Variants in ERC1 observed in about 807,000 individuals in gnomAD.
The protein encoded by ERC1 is ELKS/RAB6-interacting/CAST family member 1, also known as RAB6 interacting protein 2.
Under a neutral mutation model 132.0 loss-of-function variants are expected in ERC1, and 56 were observed. The observed-to-expected ratio is 0.42, with a 90% CI of 0.34 to 0.53. The LOEUF (loss-of-function observed/expected upper bound fraction) is 0.53. ERC1 is among the 20% of genes least tolerant of loss of function. The pLI, the probability that ERC1 is intolerant of heterozygous loss-of-function variation, is 0.03. For missense variants in ERC1, 1,202 were observed against 1,349.9 expected (o/e 0.89, Z 1.72); for synonymous variants, 478 against 476.1 (o/e 1.00, Z -0.05).
At chr12:1,044,469 C>T (rs1243010407) in intron 2 of ERC1, among the ~76,000 whole-genome samples, 1 of 152,040 alleles carries the variant, frequency 6.6e-6, no homozygotes, top group Non-Finnish European at 1.5e-5. Flanking sequence ...GGGCAAAGAG[C>T]CTTCATGTGA....
intron 2 of ERC1, among the ~76,000 whole-genome samples, chr12:1,075,770 C>A (rs1941246182): frequency 6.6e-6 from 1 of 152,076 alleles, no homozygotes. Context: ...AGAAAATACA[C>A]TTACTATTCA....
At chr12:1,154,064 C>T (rs1353009456) in intron 8 of ERC1, among the ~76,000 whole-genome samples, 1 of 151,980 alleles carries the variant, frequency 6.6e-6, no homozygotes, top group Admixed American at 6.6e-5. Flanking sequence ...CACTGCCTCC[C>T]TCTTATGAGT....
chr12:1,065,480 T>TTTTGTGTGTGTGTG (rs142882646), intron 2 of ERC1, among the ~76,000 whole-genome samples: 1 of 124,922 alleles, frequency 8.0e-6, no homozygotes, highest in Non-Finnish European at 1.7e-5. Context: ...TTTGTACCGT[T>TTTTGTGTGTGTGTG]TGTGTGTGTG....
At chr12:1,212,786 G>C (rs887604840) in intron 12 of ERC1, among the ~76,000 whole-genome samples, 1 of 152,184 alleles carries the variant, frequency 6.6e-6, no homozygotes, top group Non-Finnish European at 1.5e-5. Context: ...ACAAGGTGCA[G>C]ATTTCTGTAG....
intron 17 of ERC1, among the ~76,000 whole-genome samples, chr12:1,426,494 G>A (rs768201767): frequency 2.6e-5 from 4 of 152,148 alleles, no homozygotes; most frequent in Admixed American, 2.0e-4. Flanking sequence ...CAGATTTCTG[G>A]ATTTTTAGGG....
chr12:1,238,239 T>A (rs1353399283), intron 13 of ERC1, among the ~76,000 whole-genome samples: 2 of 152,044 alleles, frequency 1.3e-5, no homozygotes, highest in East Asian at 3.9e-4. Context: ...TTTCTCTGAT[T>A]ACCAATGACA....
chr12:1,285,921 G>A (rs937400162), intron 14 of ERC1, among the ~76,000 whole-genome samples: 1 of 152,072 alleles, frequency 6.6e-6, no homozygotes, highest in African/African-American at 2.4e-5. Flanking sequence ...CAAAATTAGT[G>A]TACACAAAAA....
intron 7 of ERC1, among the ~76,000 whole-genome samples, chr12:1,135,513 T>C (rs1454800824): frequency 6.6e-6 from 1 of 152,232 alleles, no homozygotes; most frequent in East Asian, 1.9e-4. Flanking sequence ...TGTGTCTACC[T>C]GGTACTCAGA....
At chr12:1,220,001 C>T (rs756039387) in intron 12 of ERC1, among the ~76,000 whole-genome samples, 7 of 152,172 alleles carry the variant, frequency 4.6e-5, no homozygotes, top group Non-Finnish European at 8.8e-5. Flanking sequence ...TCTTGCCACC[C>T]CTGTAACCCC....
intron 2 of ERC1, among the ~76,000 whole-genome samples, chr12:1,043,488 T>C (rs1011721906): frequency 1.3e-4 from 20 of 152,204 alleles, no homozygotes; most frequent in Non-Finnish European, 1.0e-4. Flanking sequence ...TGTTGGAAAG[T>C]TGTGGGAACA....
chr12:1,116,135 T>A, intron 7 of ERC1, 102 bp downstream of exon 7: 1 of 972,114 alleles, frequency 1.0e-6, no homozygotes, highest in Non-Finnish European at 1.5e-6. Context: ...GAAATATGAG[T>A]AATGTTATGA....
At chr12:1,239,105 G>GTTTA (rs199577066) in intron 13 of ERC1, among the ~76,000 whole-genome samples, 49 of 152,112 alleles carry the variant, frequency 3.2e-4, no homozygotes, top group Non-Finnish European at 7.4e-5. Flanking sequence ...ATTTCTGTTT[G>GTTTA]TTTATTTATT....
chr12:1,132,942 G>A (rs1348540045), intron 7 of ERC1, among the ~76,000 whole-genome samples: 5 of 151,482 alleles, frequency 3.3e-5, no homozygotes, highest in African/African-American at 7.3e-5. Context: ...TGCAACCTCC[G>A]CCTCCTAGGT....
intron 18 of ERC1, among the ~76,000 whole-genome samples, chr12:1,487,326 CTTTCT>C (rs150625523): frequency 2.3e-5 from 3 of 132,640 alleles, no homozygotes; most frequent in South Asian, 2.4e-4. Context: ...CATCTAGATT[CTTTCT>C]TTTCTTTTTC....
At position 1,209,007 on chromosome 12, in the gene ERC1, C is replaced by G. The variant is rs138971493; in HGVS notation, c.2351+18955C>G. On this transcript the variant is annotated intron_variant, in intron 12 of 18. Transcript: ENST00000360905. Reference sequence around the variant, plus strand: ...TTTTTGAGGTGGAGTCTTGCCCTGTCTCCCAGGCTGGAGTGCAGTGATGTG... The same window carrying G: ...TTTTTGAGGTGGAGTCTTGCCCTGTGTCCCAGGCTGGAGTGCAGTGATGTG... Among the ~76,000 whole-genome samples, 4 of 120,346 alleles carry G rather than the reference C, an allele frequency of 3.3e-5. No homozygotes were observed. The East Asian group carries it at 1.1e-3, about 33-fold the overall frequency. The allele number at this position is 120,346 out of a possible 152,430, so 79.0% of individuals were successfully genotyped here.
At chr12:1,314,114 A>G (rs887221124) in intron 15 of ERC1, among the ~76,000 whole-genome samples, 1 of 152,168 alleles carries the variant, frequency 6.6e-6, no homozygotes, top group Non-Finnish European at 1.5e-5. Flanking sequence ...TTCCTATTGT[A>G]TTAGAAAGAT....
intron 17 of ERC1, among the ~76,000 whole-genome samples, chr12:1,415,339 A>G (rs770618841): frequency 3.3e-5 from 5 of 152,246 alleles, no homozygotes; most frequent in African/African-American, 4.8e-5. Flanking sequence ...GCCACTTACT[A>G]CAATCTGGAA....
intron 8 of ERC1, among the ~76,000 whole-genome samples, chr12:1,174,299 G>C (rs558665150): frequency 6.6e-6 from 1 of 152,270 alleles, no homozygotes; most frequent in African/African-American, 2.4e-5. Flanking sequence ...AGTGTCCACT[G>C]TTCTTTTTTT....
intron 15 of ERC1, among the ~76,000 whole-genome samples, chr12:1,330,638 C>G (rs2082794854): frequency 1.3e-5 from 2 of 152,232 alleles, no homozygotes; most frequent in South Asian, 4.1e-4. Context: ...TTCCCCTTCC[C>G]TAACTTCTGA....
Sources: allele counts gnomAD v4.1 joint callset (sites outside exome capture counted in the v4.1 genomes callset), GRCh38; gene constraint gnomAD v4.1.1; transcripts MANE v1.5; gene names NCBI Gene and HGNC (gene_info 2026-07-23, HGNC 2026-07-21).